The following PTPRG variants were observed in gnomAD, a reference collection of about 807,000 sequenced individuals.
PTPRG encodes the protein protein tyrosine phosphatase receptor type G.
PTPRG carries 102 observed loss-of-function variants against 165.3 expected under a neutral mutation model. The ratio of observed to expected loss-of-function variants is 0.62; its 90% CI spans 0.53 to 0.73. PTPRG has a LOEUF of 0.73. Among genes scored for constraint, PTPRG ranks in the 30% least tolerant of loss-of-function variants. The probability of loss-of-function intolerance (pLI) is 0.00; values close to 1 mark genes in which losing one functional copy is unlikely to be tolerated. For missense variants in PTPRG, 1,866 were observed against 1,861.4 expected (o/e 1.00, Z -0.05); for synonymous variants, 675 against 669.5 (o/e 1.01, Z -0.13).
intron 1 of PTPRG, among the ~76,000 whole-genome samples, chr3:61,678,547 G>A (rs935698197): frequency 5.3e-5 from 8 of 152,050 alleles, no homozygotes; most frequent in African/African-American, 1.9e-4. Context: ...CTCTGTCTTT[G>A]CATCTTTGAT....
chr3:61,775,871 G>A lies in PTPRG; in HGVS notation c.190+26889G>A, dbSNP rs74846228. Among the ~76,000 whole-genome samples the A allele has an allele frequency of 9.5e-3, 1,228 of 129,764 alleles. 39 individuals are homozygous for A. The highest frequency in any genetic ancestry group is 0.089 in the East Asian group (363 of 4,070). The allele number at this position is 129,764 out of a possible 152,430, so 85.1% of individuals were successfully genotyped here. ...ATGTTCTCACTTATAGGTGGGAATT[G>A]AACAATGAGAACACTTGGACACAGG... On this transcript the variant is annotated intron_variant, in intron 2 of 29. Transcript: ENST00000474889.
At chr3:61,871,338 C>G (rs2107444196) in intron 2 of PTPRG, among the ~76,000 whole-genome samples, 1 of 152,206 alleles carries the variant, frequency 6.6e-6, no homozygotes, top group South Asian at 2.1e-4. Flanking sequence ...GGTGTTCATT[C>G]TGCCTCAGCC....
chr3:61,582,875 A>T (rs765304870), intron 1 of PTPRG, among the ~76,000 whole-genome samples: 1 of 152,204 alleles, frequency 6.6e-6, no homozygotes, highest in African/African-American at 2.4e-5. Context: ...CCCTAAAGCA[A>T]TGTGTTGCAG....
intron 20 of PTPRG, among the ~76,000 whole-genome samples, chr3:62,270,909 C>T (rs879281377): frequency 4.6e-5 from 7 of 152,120 alleles, no homozygotes; most frequent in Non-Finnish European, 7.3e-5. Flanking sequence ...AAGTATTTGA[C>T]ATTTAAAATC....
At chr3:61,765,015 C>G (rs950401018) in intron 2 of PTPRG, among the ~76,000 whole-genome samples, 1 of 152,176 alleles carries the variant, frequency 6.6e-6, no homozygotes, top group Non-Finnish European at 1.5e-5. Context: ...CCAAGATTGA[C>G]GAACCCTAAA....
chr3:62,267,703 G>A lies in PTPRG; in HGVS notation c.2758G>A (p.Ala920Thr), dbSNP rs750484232. 4 of 1,613,108 alleles carry A rather than the reference G, an allele frequency of 2.5e-6. No homozygotes were observed. The South Asian group carries it at 4.4e-5, about 18-fold the overall frequency. ...NYVDGYNKAKAYIATQGPLKS... is the reference protein window; with the variant it reads ...NYVDGYNKAKTYIATQGPLKS... The stretch of plus-strand genomic sequence containing the variant: ...TTTGAAGGGTTACAACAAAGCAAAA[G>A]CCTACATTGCCACCCAAGGACCTTT... The change falls in exon 19 of 30, where the codon GCC becomes ACC. Residue 920 changes from alanine to threonine, a missense_variant. Around this residue, in one of 3 missense-constraint regions of PTPRG, gnomAD observed 1,452 missense variants for 1,463.0 expected, o/e 0.99. Coordinates refer to ENST00000474889, the MANE Select transcript of PTPRG (RefSeq NM_002841.4).
chr3:61,808,722 C>T (rs1357416465), intron 2 of PTPRG, among the ~76,000 whole-genome samples: 5 of 151,992 alleles, frequency 3.3e-5, no homozygotes, highest in Non-Finnish European at 7.4e-5. Flanking sequence ...TAAACTCCTC[C>T]CTTTCCTGCC....
intron 2 of PTPRG, among the ~76,000 whole-genome samples, chr3:61,798,959 C>G (rs566007976): frequency 1.3e-5 from 2 of 152,148 alleles, no homozygotes; most frequent in East Asian, 3.9e-4. Flanking sequence ...TTACTAGAAC[C>G]TGAAACCTTG....
chr3:61,874,671 G>A (rs2037675555), intron 2 of PTPRG, among the ~76,000 whole-genome samples: 1 of 152,158 alleles, frequency 6.6e-6, no homozygotes, highest in South Asian at 2.1e-4. Context: ...GTTAGGCTTT[G>A]GGACAGGGGG....
intron 4 of PTPRG, among the ~76,000 whole-genome samples, chr3:62,067,722 G>A (rs568627700): frequency 3.9e-5 from 6 of 152,186 alleles, no homozygotes; most frequent in South Asian, 4.1e-4. Flanking sequence ...TAGGGTTTAC[G>A]CTCCTGTGAG....
intron 1 of PTPRG, among the ~76,000 whole-genome samples, chr3:61,686,918 T>C (rs1703650957): frequency 1.3e-5 from 2 of 152,148 alleles, no homozygotes; most frequent in South Asian, 2.1e-4. Flanking sequence ...TTGAGAGGTA[T>C]GGGGAAGAGG....
intron 5 of PTPRG, among the ~76,000 whole-genome samples, chr3:62,119,235 C>A (rs188374474): frequency 5.4e-4 from 83 of 152,332 alleles, no homozygotes; most frequent in African/African-American, 1.9e-3. Flanking sequence ...CCTCAGCTGA[C>A]GCAACCAGTT....
chr3:62,143,319 C>T (rs1224380604), intron 6 of PTPRG, among the ~76,000 whole-genome samples: 7 of 152,076 alleles, frequency 4.6e-5, no homozygotes, highest in East Asian at 3.9e-4. Flanking sequence ...CTAGAACAAG[C>T]GACTTTTGGG....
chr3:62,104,770 A>G (rs1331557467), intron 5 of PTPRG, among the ~76,000 whole-genome samples: 2 of 152,238 alleles, frequency 1.3e-5, no homozygotes. Flanking sequence ...TAGCGGGAAC[A>G]AAAGCTGGAA....
chr3:62,225,777 C>G (rs1186556041), intron 13 of PTPRG, among the ~76,000 whole-genome samples: 2 of 151,600 alleles, frequency 1.3e-5, no homozygotes, highest in Non-Finnish European at 2.9e-5. Flanking sequence ...GCCTCAGCCT[C>G]TCGCATAGCA....
chr3:61,672,391 C>T (rs1479555612), intron 1 of PTPRG, among the ~76,000 whole-genome samples: 37 of 137,434 alleles, frequency 2.7e-4, no homozygotes, highest in African/African-American at 8.3e-4. Context: ...GAGGTTGTAG[C>T]GAGCCGAGAT....
chr3:61,707,217 C>T (rs73842325), intron 1 of PTPRG, among the ~76,000 whole-genome samples: 3,777 of 152,294 alleles, frequency 0.025, 147 homozygotes, highest in African/African-American at 0.085. Context: ...TGCATATATG[C>T]GTTTTTACCT....
chr3:62,277,168 G>C (rs1702258076), intron 25 of PTPRG, 120 bp downstream of exon 25: 6 of 775,344 alleles, frequency 7.7e-6, no homozygotes, highest in Middle Eastern at 5.1e-4. Flanking sequence ...AATATGAAAA[G>C]TATAGAGATT....
chr3:62,204,139 C>G (rs1700166868), intron 12 of PTPRG, among the ~76,000 whole-genome samples, 189 bp downstream of exon 12: 1 of 152,172 alleles, frequency 6.6e-6, no homozygotes, highest in Non-Finnish European at 1.5e-5. Context: ...CTCCAAAAGC[C>G]TACTCTCTTA....
Sources: allele counts gnomAD v4.1 joint callset (sites outside exome capture counted in the v4.1 genomes callset), GRCh38; gene constraint gnomAD v4.1.1; regional missense constraint gnomAD v4.1.1; transcripts MANE v1.5; gene names NCBI Gene and HGNC (gene_info 2026-07-23, HGNC 2026-07-21).